The following TMEM117 variants were observed in gnomAD, a reference collection of about 807,000 sequenced individuals.
TMEM117 encodes transmembrane protein 117.
Under a neutral mutation model 52.4 loss-of-function variants are expected in TMEM117, and 27 were observed. The observed-to-expected ratio is 0.51, with a 90% CI of 0.38 to 0.71. The LOEUF is 0.71. Ranked by LOEUF, TMEM117 falls within the 30% of genes least tolerant of loss-of-function variation. The pLI, the probability that TMEM117 is intolerant of heterozygous loss-of-function variation, is 0.00. For synonymous variants in TMEM117, 215 were observed against 206.3 expected, an observed-to-expected ratio of 1.04 and a Z score of -0.36; for missense variants, 556 against 630.5, an observed-to-expected ratio of 0.88 and a Z score of 1.26.
chr12:44,171,506 G>C (rs1949046015), intron 4 of TMEM117, among the ~76,000 whole-genome samples: 1 of 152,026 alleles, frequency 6.6e-6, no homozygotes. Flanking sequence ...GAATTCTTTT[G>C]AAATGAAAAA....
chr12:44,265,164 A>AT (rs1282843086), intron 5 of TMEM117, among the ~76,000 whole-genome samples: 1 of 152,190 alleles, frequency 6.6e-6, no homozygotes, highest in Non-Finnish European at 1.5e-5. Context: ...GCGGAACACT[A>AT]TATAACGAGA....
At chr12:44,283,067 T>C (rs904973760) in intron 5 of TMEM117, among the ~76,000 whole-genome samples, 3 of 152,360 alleles carry the variant, frequency 2.0e-5, no homozygotes, top group East Asian at 3.9e-4. Flanking sequence ...AAGTCAAGAA[T>C]TGAGGTTTGG....
At chr12:44,185,580 T>C (rs1414859499) in intron 4 of TMEM117, among the ~76,000 whole-genome samples, 1 of 152,172 alleles carries the variant, frequency 6.6e-6, no homozygotes, top group African/African-American at 2.4e-5. Context: ...GAACTCCTAT[T>C]TATGGTTGTG....
At chr12:44,385,328 T>C (rs1952074091) in intron 7 of TMEM117, among the ~76,000 whole-genome samples, 2 of 152,206 alleles carry the variant, frequency 1.3e-5, no homozygotes, top group Non-Finnish European at 2.9e-5. Context: ...TAAAAAGTGA[T>C]CCTTGGGTGT....
chr12:43,977,512 G>A (rs949349313), intron 3 of TMEM117, among the ~76,000 whole-genome samples: 3 of 152,028 alleles, frequency 2.0e-5, no homozygotes, highest in Non-Finnish European at 4.4e-5. Flanking sequence ...ATAAAACTGC[G>A]GGTTTTATGT....
At chr12:43,828,501 A>G in the TMEM117 span, among the ~76,000 whole-genome samples, 1 of 152,232 alleles carries the variant, frequency 6.6e-6, no homozygotes, top group African/African-American at 2.4e-5. Context: ...AGAGGCAGAG[A>G]GACCAGCCCT....
At chr12:43,951,567 C>T (rs1945222720) in intron 3 of TMEM117, among the ~76,000 whole-genome samples, 1 of 152,198 alleles carries the variant, frequency 6.6e-6, no homozygotes, top group Non-Finnish European at 1.5e-5. Context: ...TCTCTAGATC[C>T]TTCCTCAGCA....
At chr12:44,125,463 T>C (rs1165788465) in intron 3 of TMEM117, among the ~76,000 whole-genome samples, 1 of 152,204 alleles carries the variant, frequency 6.6e-6, no homozygotes, top group African/African-American at 2.4e-5. Context: ...CAGGAATTTA[T>C]CCATTTTTTT....
intron 4 of TMEM117, among the ~76,000 whole-genome samples, chr12:44,182,775 C>G (rs1320469301): frequency 1.3e-5 from 2 of 151,960 alleles, no homozygotes; most frequent in African/African-American, 4.8e-5. Flanking sequence ...TACCTCATAG[C>G]TTAGTTGTAC....
chr12:44,089,106 A>G (rs916570416), intron 3 of TMEM117, among the ~76,000 whole-genome samples: 1 of 152,180 alleles, frequency 6.6e-6, no homozygotes, highest in African/African-American at 2.4e-5. Flanking sequence ...TGAAGACAAT[A>G]TGGATCACAG....
intron 5 of TMEM117, among the ~76,000 whole-genome samples, chr12:44,272,079 G>T (rs1950453362): frequency 6.6e-6 from 1 of 151,868 alleles, no homozygotes; most frequent in African/African-American, 2.4e-5. Context: ...AAAGATGAAA[G>T]ATAAGTATTG....
intron 2 of TMEM117, among the ~76,000 whole-genome samples, chr12:43,847,096 G>T (rs2137362781): frequency 6.6e-6 from 1 of 152,300 alleles, no homozygotes; most frequent in South Asian, 2.1e-4. Context: ...GTTGTTGGTG[G>T]TGGGGCAGAT....
chr12:44,105,804 T>G lies in TMEM117; in HGVS notation c.411-37721T>G, dbSNP rs192839598. The stretch of plus-strand genomic sequence containing the variant: ...TAAGGTTAGGCATCATAAAACAGTT[T>G]CTCTTGAGGGCAGGTCTCGTGAAGA... On this transcript the variant is annotated intron_variant, in intron 3 of 7. Coordinates refer to ENST00000266534, the MANE Select transcript of TMEM117 (RefSeq NM_032256.3). 4.6e-5 allele frequency among the ~76,000 whole-genome samples: 7 copies of G among 152,136 alleles called. No individual in the cohort carries two copies. The East Asian group carries it at 1.4e-3, about 29-fold the overall frequency.
chr12:44,358,812 C>G (rs367908869), intron 6 of TMEM117, among the ~76,000 whole-genome samples: 1 of 152,050 alleles, frequency 6.6e-6, no homozygotes, highest in Non-Finnish European at 1.5e-5. Flanking sequence ...CAACCTCCTC[C>G]CACTCCTGGG....
chr12:44,287,975 G>T lies in TMEM117; in HGVS notation c.609-11605G>T, dbSNP rs78625045. On this transcript the variant is annotated intron_variant, in intron 5 of 7. Coordinates refer to ENST00000266534, the MANE Select transcript of TMEM117 (RefSeq NM_032256.3). The stretch of plus-strand genomic sequence containing the variant: ...TGCTTGGCTTAAGTGCCATATGTCT[G>T]AAATAGTAATTTGCTATTATTACTA... Among the ~76,000 whole-genome samples the T allele has an allele frequency of 2.7e-3, 406 of 152,256 alleles. 1 individual carries two copies. Among genetic ancestry groups the T allele is most frequent in the African/African-American group, 9.3e-3 (385 of 41,550 alleles).
chr12:44,141,933 T>C (rs140219361), intron 3 of TMEM117, among the ~76,000 whole-genome samples: 1 of 152,320 alleles, frequency 6.6e-6, no homozygotes, highest in East Asian at 1.9e-4. Context: ...GTTTTAATTT[T>C]TATCATCTAC....
chr12:44,125,043 T>C (rs1244419792), intron 3 of TMEM117, among the ~76,000 whole-genome samples: 1 of 152,152 alleles, frequency 6.6e-6, no homozygotes, highest in Non-Finnish European at 1.5e-5. Context: ...TGTCCTGGGC[T>C]TTTTTGTTTG....
chr12:44,029,342 C>T (rs76180402), intron 3 of TMEM117, among the ~76,000 whole-genome samples: 14,550 of 152,232 alleles, frequency 0.096, 1,110 homozygotes, highest in African/African-American at 0.2. Context: ...GAATAATCTG[C>T]TTAGCACTCT....
the TMEM117 span, among the ~76,000 whole-genome samples, chr12:43,817,564 G>A: frequency 1.3e-4 from 20 of 152,226 alleles, 1 homozygote; most frequent in South Asian, 4.2e-3. Context: ...ATATTTCAGA[G>A]TGGACTTACA....
Sources: gnomAD v4.1 joint callset for allele counts (sites outside exome capture counted in the v4.1 genomes callset) on GRCh38, gnomAD v4.1.1 for gene constraint, MANE v1.5 for transcripts, NCBI Gene and HGNC (gene_info 2026-07-23, HGNC 2026-07-21) for gene names.